The following NTM variants were observed in gnomAD, a reference collection of about 807,000 sequenced individuals.
NTM encodes the protein neurotrimin, also known as IgLON family member 2.
In NTM, 13 loss-of-function variants were observed where a neutral mutation model predicts 42.1. The ratio of observed to expected loss-of-function variants is 0.31; its 90% CI spans 0.20 to 0.49. NTM has a LOEUF of 0.49. Among genes scored for constraint, NTM ranks in the 20% least tolerant of loss-of-function variants. NTM has a pLI of 0.99. For missense variants in NTM, 373 were observed against 452.8 expected (o/e 0.82, Z 1.60); for synonymous variants, 187 against 179.2 (o/e 1.04, Z -0.35).
intron 4 of NTM, among the ~76,000 whole-genome samples, chr11:132,227,708 G>T (rs1457347938): frequency 2.0e-5 from 3 of 152,092 alleles, no homozygotes; most frequent in Non-Finnish European, 4.4e-5. Flanking sequence ...TGGCTTTTGG[G>T]TGCTCTGGGA....
At chr11:131,720,320 G>A (rs1015613110) in intron 1 of NTM, among the ~76,000 whole-genome samples, 21 of 152,304 alleles carry the variant, frequency 1.4e-4, no homozygotes, top group East Asian at 1.3e-3. Flanking sequence ...GTTTACGTTC[G>A]AATCCCAGGA....
chr11:131,991,287 A>G (rs1278141803), intron 2 of NTM, among the ~76,000 whole-genome samples: 4 of 152,104 alleles, frequency 2.6e-5, no homozygotes, highest in African/African-American at 9.7e-5. Flanking sequence ...TGCATTGCAT[A>G]GTTGAGAACA....
intron 4 of NTM, among the ~76,000 whole-genome samples, chr11:132,264,261 T>A (rs2093043433): frequency 6.6e-6 from 1 of 151,908 alleles, no homozygotes. Context: ...TTGTGCATAT[T>A]TTTTCATATT....
intron 4 of NTM, among the ~76,000 whole-genome samples, chr11:132,252,706 C>A (rs1050314287): frequency 6.6e-6 from 1 of 151,024 alleles, no homozygotes; most frequent in African/African-American, 2.5e-5. Flanking sequence ...TCTTTTTGTC[C>A]TGATATATGG....
At position 131,930,200 on chromosome 11, in the gene NTM, C is replaced by G. The variant is rs151139005; in HGVS notation, c.167+18552C>G. Among the ~76,000 whole-genome samples the G allele has an allele frequency of 3.6e-3, 544 of 152,244 alleles. 3 individuals are homozygous for G. Among genetic ancestry groups the G allele is most frequent in the African/African-American group, 0.011 (476 of 41,532 alleles). On this transcript the variant is annotated intron_variant, in intron 2 of 8. Coordinates refer to ENST00000683400, the MANE Select transcript of NTM (RefSeq NM_001352005.2). ...ATTCCCATTAGAAATGCATTTGAAA[C>G]TTTTCTATTAACTCTTTACTGTTGT...
At chr11:131,910,165 A>G (rs1227159709) in intron 1 of NTM, 1 of 152,276 alleles carries the variant, frequency 6.6e-6, no homozygotes, top group Non-Finnish European at 1.5e-5. Context: ...GTGCTGTACT[A>G]CTGAATAACT....
At chr11:131,941,646 A>C (rs549910619) in intron 2 of NTM, among the ~76,000 whole-genome samples, 1 of 152,100 alleles carries the variant, frequency 6.6e-6, no homozygotes, top group African/African-American at 2.4e-5. Flanking sequence ...ACTTTGTTTG[A>C]CTCCTACCAC....
At chr11:132,281,932 T>A (rs3099786) in intron 4 of NTM, among the ~76,000 whole-genome samples, 80,911 of 152,060 alleles carry the variant, frequency 0.53, 22,534 homozygotes, top group Non-Finnish European at 0.62. Flanking sequence ...TATTAATTTC[T>A]GCTTCCAAAC....
chr11:131,557,055 CT>C (rs970811707), intron 1 of NTM, among the ~76,000 whole-genome samples: 36 of 152,064 alleles, frequency 2.4e-4, no homozygotes, highest in African/African-American at 8.4e-4. Context: ...TGATTTGTAA[CT>C]TTTTTTCTTT....
chr11:132,068,566 C>G (rs1176033527), intron 2 of NTM, among the ~76,000 whole-genome samples: 2 of 152,188 alleles, frequency 1.3e-5, no homozygotes, highest in Non-Finnish European at 2.9e-5. Flanking sequence ...TTCTTTGAGC[C>G]TCTACTCATT....
intron 2 of NTM, among the ~76,000 whole-genome samples, chr11:131,998,062 G>A (rs1290412332): frequency 6.6e-6 from 1 of 151,944 alleles, no homozygotes; most frequent in Non-Finnish European, 1.5e-5. Flanking sequence ...CTTTCCTGGA[G>A]GCCTTGTAAA....
At chr11:131,848,555 C>T (rs981484670) in intron 1 of NTM, among the ~76,000 whole-genome samples, 3 of 152,220 alleles carry the variant, frequency 2.0e-5, no homozygotes, top group South Asian at 2.1e-4. Context: ...TTTATAGCAG[C>T]CTCCACTTCA....
Position 132,178,547 on chromosome 11 carries a change from A to G in NTM, c.400+32033A>G, listed in dbSNP as rs145820287. 5.2e-3 allele frequency among the ~76,000 whole-genome samples: 796 copies of G among 152,248 alleles called. 2 individuals are homozygous for G. The highest frequency in any genetic ancestry group is 0.034 in the Middle Eastern group (10 of 294). ...TAAGATTCCTCAAATTTATTGGGGA[A>G]ATGGTGAAATATAAATAATTATGAA... On this transcript the variant is annotated intron_variant, in intron 3 of 8. Transcript: ENST00000683400.
At chr11:131,550,091 G>T (rs2054466340) in intron 1 of NTM, among the ~76,000 whole-genome samples, 2 of 152,146 alleles carry the variant, frequency 1.3e-5, no homozygotes, top group Admixed American at 6.5e-5. Context: ...ATCTGTACTG[G>T]CAAAAGAAGC....
At chr11:131,540,495 C>A (rs904390205) in intron 1 of NTM, 1 of 152,128 alleles carries the variant, frequency 6.6e-6, no homozygotes, top group African/African-American at 2.4e-5. Flanking sequence ...AAGATACTGA[C>A]GACCTCCAAG....
intron 4 of NTM, among the ~76,000 whole-genome samples, chr11:132,227,573 G>A (rs917917194): frequency 4.6e-5 from 7 of 152,010 alleles, no homozygotes; most frequent in East Asian, 1.9e-4. Flanking sequence ...TACTTGTCTC[G>A]GTGTTCTCTG....
intron 2 of NTM, among the ~76,000 whole-genome samples, chr11:132,044,184 G>T (rs2077657457): frequency 6.9e-6 from 1 of 145,926 alleles, no homozygotes. Flanking sequence ...ATGTGTATGT[G>T]TGTGTGTTAT....
chr11:131,910,890 G>C (rs1474541981), intron 1 of NTM: 1 of 985,544 alleles, frequency 1.0e-6, no homozygotes, highest in Non-Finnish European at 1.2e-6. Context: ...GGCCCGGATC[G>C]CACGAAGCCC....
At chr11:131,879,263 C>T (rs2049088052) in intron 1 of NTM, among the ~76,000 whole-genome samples, 1 of 152,146 alleles carries the variant, frequency 6.6e-6, no homozygotes, top group Non-Finnish European at 1.5e-5. Flanking sequence ...GTGGAAACAT[C>T]ACAGAAGTGA....
Sources: gnomAD v4.1 joint callset for allele counts (sites outside exome capture counted in the v4.1 genomes callset) on GRCh38, gnomAD v4.1.1 for gene constraint, MANE v1.5 for transcripts, NCBI Gene and HGNC (gene_info 2026-07-23, HGNC 2026-07-21) for gene names.